PANX2: variants seen among roughly 807,000 people sequenced by gnomAD.
The protein encoded by PANX2 is pannexin 2.
PANX2 carries 30 observed loss-of-function variants against 38.7 expected under a neutral mutation model. The observed-to-expected ratio is 0.78, with a 90% CI of 0.58 to 1.05. PANX2 has a LOEUF of 1.05. PANX2 is among the 50% of genes least tolerant of loss of function. The probability of loss-of-function intolerance (pLI) is 0.00; values close to 1 mark genes in which losing one functional copy is unlikely to be tolerated. For missense variants in PANX2, 880 were observed against 979.3 expected (o/e 0.90, Z 1.35); for synonymous variants, 539 against 472.1 (o/e 1.14, Z -1.84).
In PANX2 at chr22:50,178,305, G is replaced by A. The variant is rs1181044874; in HGVS notation, c.1593G>A (p.Ala531=). Residue 531 remains alanine (A), a synonymous_variant, in exon 2 of 3, where the codon GCG becomes GCA. Coordinates refer to ENST00000395842, the MANE Select transcript of PANX2 (RefSeq NM_052839.4). ...GCACCAAGAAGGCCAAGGCCGAGGCGGTGCCCGCCGCCCTGCCCGCCTCCC... is the reference window on the plus strand; with the variant it reads ...GCACCAAGAAGGCCAAGGCCGAGGCAGTGCCCGCCGCCCTGCCCGCCTCCC... ...ILGTKKAKAE[A]VPAALPASRS... 4.6e-6 allele frequency: 7 copies of A among 1,520,612 alleles called. No individual in the cohort carries two copies. The highest frequency in any genetic ancestry group is 4.3e-5 in the Admixed American group (2 of 47,002). The allele number at this position is 1,520,612 out of a possible 1,614,324, so 94.2% of individuals were successfully genotyped here. A position where few individuals can be genotyped will look rare whatever the true frequency, so the allele number is the denominator to read the frequency against.
Position 50,178,352 on chromosome 22 carries a change from T to C in PANX2, c.1640T>C (p.Leu547Pro). 2 of 1,491,356 alleles carry C rather than the reference T, an allele frequency of 1.3e-6. No homozygotes were observed. The highest frequency in any genetic ancestry group is 1.8e-6 in the Non-Finnish European group (2 of 1,128,534). 92.4% of individuals were successfully genotyped at this position (1,491,356 alleles called of 1,614,324 possible). A position where few individuals can be genotyped will look rare whatever the true frequency, so the allele number is the denominator to read the frequency against. ...TCCCGGAGCCAGGAGGGGGGCTTCC[T>C]GTCCCAGGCGGAGGACTGTGGGCTA... Reference protein sequence around the residue: ...PASRSQEGGFLSQAEDCGLGL... With the variant: ...PASRSQEGGFPSQAEDCGLGL... Residue 547 changes from leucine to proline, a missense_variant, in exon 2 of 3, where the codon CTG (leucine) becomes CCG (proline). Physicochemically the swap from Leu to Pro is moderately conservative, Grantham distance 98. Transcript: ENST00000395842.
intron 1 of PANX2, among the ~76,000 whole-genome samples, chr22:50,171,733 G>A (rs965247108): frequency 2.0e-5 from 3 of 152,200 alleles, no homozygotes; most frequent in African/African-American, 7.2e-5. Context: ...AGTGGGGCGA[G>A]ACAGGTGGAG....
chr22:50,176,197 C>T (rs1310811309), intron 1 of PANX2, among the ~76,000 whole-genome samples: 2 of 152,260 alleles, frequency 1.3e-5, no homozygotes, highest in Admixed American at 6.5e-5. Context: ...CACTGCCGTT[C>T]GTGTCATTGT....
At chr22:50,172,553 C>T (rs2063637970) in intron 1 of PANX2, among the ~76,000 whole-genome samples, 1 of 151,356 alleles carries the variant, frequency 6.6e-6, no homozygotes, top group South Asian at 2.1e-4. Context: ...CCCGAGCCCC[C>T]AGTAGCAGGG....
intron 1 of PANX2, among the ~76,000 whole-genome samples, chr22:50,171,460 C>T (rs1359680068): frequency 6.6e-6 from 1 of 152,130 alleles, no homozygotes; most frequent in Admixed American, 6.5e-5. Flanking sequence ...TCAGGCAGGG[C>T]GAGGCCTCTC....
rs1185282841 is a variant in PANX2 at position 50,178,147 on chromosome 22, C to T, written c.1435C>T (p.Arg479Cys). Residue 479 changes from arginine to cysteine, a missense_variant, in exon 2 of 3, where the codon CGC (arginine) becomes TGC (cysteine). Physicochemically the swap from Arg to Cys is radical, Grantham distance 180. Coordinates refer to ENST00000395842, the MANE Select transcript of PANX2 (RefSeq NM_052839.4). ...TDTLIAPLLD[R>C]SAHHYKGGGG... ...CACGCTGATCGCGCCGCTGCTGGAC[C>T]GCTCCGCCCACCACTACAAGGGCGG... 9.2e-6 allele frequency: 14 copies of T among 1,520,902 alleles called. No individual in the cohort carries two copies. The highest frequency in any genetic ancestry group is 1.2e-5 in the Non-Finnish European group (14 of 1,142,246). The allele number at this position is 1,520,902 out of a possible 1,614,324, so 94.2% of individuals were successfully genotyped here. A position where few individuals can be genotyped will look rare whatever the true frequency, so the allele number is the denominator to read the frequency against.
chr22:50,179,256 C>T lies in PANX2; in HGVS notation c.2013C>T (p.Val671=), dbSNP rs1399500331. ...LIATFDEPRT[V]VSTVEF is the part of the protein sequence containing the mutation. ...CCACCTTCGACGAGCCGAGAACGGT[C>T]GTGAGTACTGTGGAGTTTTGAGGGA... Residue 671 remains valine (V), a synonymous_variant, in exon 3 of 3, where the codon GTC becomes GTT. Transcript: ENST00000395842. 3 of 1,612,468 alleles carry T rather than the reference C, an allele frequency of 1.9e-6. No individual in the cohort carries two copies. The highest frequency in any genetic ancestry group is 2.5e-6 in the Non-Finnish European group (3 of 1,179,834).
intron 1 of PANX2, among the ~76,000 whole-genome samples, chr22:50,174,417 G>T (rs866124152): frequency 6.6e-6 from 1 of 152,320 alleles, no homozygotes; most frequent in African/African-American, 2.4e-5. Flanking sequence ...AATATGGGCC[G>T]TGTTGGGGTG....
intron 2 of PANX2, 71 bp downstream of exon 2, chr22:50,178,473 A>T: frequency 1.9e-6 from 2 of 1,077,828 alleles, no homozygotes; most frequent in Admixed American, 7.5e-5. Flanking sequence ...ACAGCGGCCC[A>T]CGGGAGCCTG....
At position 50,177,263 on chromosome 22, in the gene PANX2, G is replaced by A. The variant is rs377363933; in HGVS notation, c.551G>A (p.Gly184Asp). ...PKIEKQIQSK[G>D]PGITEREKRE... Reference sequence around the variant, plus strand: ...ATCGAGAAGCAGATCCAGTCCAAGGGCCCGGGCATCACGGAGCGCGAGAAG... The same window carrying A: ...ATCGAGAAGCAGATCCAGTCCAAGGACCCGGGCATCACGGAGCGCGAGAAG... Residue 184 changes from glycine to aspartate, a missense_variant, in exon 2 of 3, where the codon GGC becomes GAC. Around this residue, in one of 4 missense-constraint regions of PANX2, gnomAD observed 243 missense variants for 333.1 expected, o/e 0.73. Transcript: ENST00000395842. 6.2e-7 allele frequency: 1 copy of A among 1,612,358 alleles called. No homozygotes were observed. Among genetic ancestry groups the A allele is most frequent in the Non-Finnish European group, 8.5e-7 (1 of 1,179,780 alleles).
intron 1 of PANX2, among the ~76,000 whole-genome samples, chr22:50,176,131 G>C (rs925125252): frequency 1.3e-5 from 2 of 152,250 alleles, no homozygotes; most frequent in Admixed American, 1.3e-4. Context: ...ACGTTAGCAA[G>C]ATCCCAGCCG....
At chr22:50,176,516 G>A (rs1005977723) in intron 1 of PANX2, among the ~76,000 whole-genome samples, 2 of 151,270 alleles carry the variant, frequency 1.3e-5, no homozygotes, top group African/African-American at 4.8e-5. Flanking sequence ...AGGGGAGCCC[G>A]GGCTGTACAC....
Position 50,178,204 on chromosome 22 carries a change from G to GGC in PANX2, c.1492_1493insGC (p.Ala498GlyfsTer59). 6.8e-6 allele frequency: 9 copies of GGC among 1,319,866 alleles called. No individual in the cohort carries two copies. The highest frequency in any genetic ancestry group is 9.0e-6 in the Non-Finnish European group (9 of 1,004,404). 81.8% of individuals were successfully genotyped at this position (1,319,866 alleles called of 1,614,324 possible). A position where few individuals can be genotyped will look rare whatever the true frequency, so the allele number is the denominator to read the frequency against. On this transcript the variant is annotated frameshift_variant, in exon 2 of 3. Transcript: ENST00000395842. LOFTEE classifies it high-confidence loss of function. ...CGACCCGGGCCCCGGCCCCGCCCCTGCCCCCGCCCCGCCGCCCGCCCCTGA... is the reference window on the plus strand; with the variant it reads ...CGACCCGGGCCCCGGCCCCGCCCCTGGCCCCCCGCCCCGCCGCCCGCCCCTGA...
rs2063674878 is a variant in PANX2, at chr22:50,178,198, GCCCC to G, written c.1487_1490del (p.Ala496ValfsTer59). Reference sequence around the variant, plus strand: ...AGGGGGCGACCCGGGCCCCGGCCCCGCCCCTGCCCCCGCCCCGCCGCCCGCCCCT... The same window carrying G: ...AGGGGGCGACCCGGGCCCCGGCCCCGTGCCCCCGCCCCGCCGCCCGCCCCT... On this transcript the variant is annotated frameshift_variant, in exon 2 of 3. Transcript: ENST00000395842. LOFTEE classifies it high-confidence loss of function. 1.3e-6 allele frequency: 1 copy of G among 778,988 alleles called. No individual in the cohort carries two copies. The highest frequency in any genetic ancestry group is 2.0e-5 in the African/African-American group (1 of 50,694). 48.3% of individuals were successfully genotyped at this position (778,988 alleles called of 1,614,324 possible). A position where few individuals can be genotyped will look rare whatever the true frequency, so the allele number is the denominator to read the frequency against.
At chr22:50,173,171 C>G (rs1406889396) in intron 1 of PANX2, among the ~76,000 whole-genome samples, 1 of 151,584 alleles carries the variant, frequency 6.6e-6, no homozygotes, top group Non-Finnish European at 1.5e-5. Context: ...GCTGGGATTA[C>G]AGGCGTTGAG....
In PANX2 at chr22:50,177,914, G is replaced by T; in HGVS notation, c.1202G>T (p.Gly401Val). Residue 401 changes from glycine to valine, a missense_variant, in exon 2 of 3, where the codon GGG becomes GTG. Physicochemically the swap from Gly to Val is moderately radical, Grantham distance 109. This residue lies in a region of PANX2 where 445 missense variants were observed against 404.3 expected (regional missense o/e 1.10). Transcript: ENST00000395842. ...GCCACCCCCACGGTGCGCGACTCGG[G>T]GGTGCAGACCGTGGACCCCAGCGCC... ...HDATPTVRDS[G>V]VQTVDPSANP... 6.5e-7 allele frequency: 1 copy of T among 1,530,408 alleles called. No individual in the cohort carries two copies. 94.8% of individuals were successfully genotyped at this position (1,530,408 alleles called of 1,614,324 possible).
chr22:50,178,318 C>G lies in PANX2; in HGVS notation c.1606C>G (p.Leu536Val). The change falls in exon 2 of 3, where the codon CTG becomes GTG. Residue 536 changes from leucine (L) to valine (V), a missense_variant. Transcript: ENST00000395842. Reference protein sequence around the residue: ...KAKAEAVPAALPASRSQEGGF... With the variant: ...KAKAEAVPAAVPASRSQEGGF... The stretch of plus-strand genomic sequence containing the variant: ...CAAGGCCGAGGCGGTGCCCGCCGCC[C>G]TGCCCGCCTCCCGGAGCCAGGAGGG... 2 of 1,513,420 alleles carry G rather than the reference C, an allele frequency of 1.3e-6. No homozygotes were observed. The highest frequency in any genetic ancestry group is 1.8e-6 in the Non-Finnish European group (2 of 1,137,416). The allele number at this position is 1,513,420 out of a possible 1,614,324, so 93.7% of individuals were successfully genotyped here. A position where few individuals can be genotyped will look rare whatever the true frequency, so the allele number is the denominator to read the frequency against.
Position 50,178,944 on chromosome 22 carries a change from C to T in PANX2, c.1701C>T (p.Leu567=), listed in dbSNP as rs2063681488. The change falls in exon 3 of 3, where the codon CTC becomes CTT. Residue 567 remains leucine (L), a synonymous_variant. Coordinates refer to ENST00000395842, the MANE Select transcript of PANX2 (RefSeq NM_052839.4). ...CTTGGCTGTTTGCAGATGCTCCGCT[C>T]CCCGAGAAGGAAATCCCGTACCCCA... is the stretch of plus-strand genomic sequence containing the variant. ...LAPAPIKDAP[L]PEKEIPYPTE... 1 of 1,572,954 alleles carries T rather than the reference C, an allele frequency of 6.4e-7. No individual in the cohort carries two copies. Among genetic ancestry groups the T allele is most frequent in the Non-Finnish European group, 8.6e-7 (1 of 1,157,494 alleles).
chr22:50,171,468 C>G (rs1421436796), intron 1 of PANX2, among the ~76,000 whole-genome samples: 2 of 152,180 alleles, frequency 1.3e-5, no homozygotes, highest in Non-Finnish European at 2.9e-5. Context: ...GGCGAGGCCT[C>G]TCCGGGTGCA....
Sources: gnomAD v4.1 joint callset for allele counts (sites outside exome capture counted in the v4.1 genomes callset) on GRCh38, gnomAD v4.1.1 for gene constraint, gnomAD v4.1.1 regional missense constraint, MANE v1.5 for transcripts, NCBI Gene and HGNC (gene_info 2026-07-23, HGNC 2026-07-21) for gene names.